DUSP4: variants seen among roughly 807,000 people sequenced by gnomAD.
DUSP4 encodes the protein dual specificity protein phosphatase 4.
DUSP4 carries 12 observed loss-of-function variants against 27.2 expected under a neutral mutation model. The observed-to-expected ratio is 0.44, with a 90% CI of 0.28 to 0.71. The LOEUF is 0.71. DUSP4 is among the 30% of genes least tolerant of loss of function. The probability of loss-of-function intolerance (pLI) is 0.14; values close to 1 mark genes in which losing one functional copy is unlikely to be tolerated. For synonymous variants in DUSP4, 257 were observed against 245.2 expected (o/e 1.05, Z -0.45); for missense variants, 448 against 551.3 (o/e 0.81, Z 1.88).
chr8:29,346,241 T>C (rs1438662134), intron 1 of DUSP4, among the ~76,000 whole-genome samples: 3 of 152,164 alleles, frequency 2.0e-5, no homozygotes, highest in South Asian at 2.1e-4. Flanking sequence ...TCCGGTACTA[T>C]AGGGTGAGTG....
At chr8:29,340,856 T>C (rs1817647204) in intron 1 of DUSP4, among the ~76,000 whole-genome samples, 1 of 152,186 alleles carries the variant, frequency 6.6e-6, no homozygotes, top group Admixed American at 6.5e-5. Flanking sequence ...AAGGGAGTAT[T>C]TCCTGACCTG....
At position 29,335,821 on chromosome 8, in the gene DUSP4, G is replaced by C. The variant is rs1336129582; in HGVS notation, c.*1205C>G. The C allele has an allele frequency of 1.3e-5, 2 of 152,230 alleles. No homozygotes were observed. Among genetic ancestry groups the C allele is most frequent in the Non-Finnish European group, 2.9e-5 (2 of 68,036 alleles). 9.4% of individuals were successfully genotyped at this position (152,230 alleles called of 1,614,324 possible). A position where few individuals can be genotyped will look rare whatever the true frequency, so the allele number is the denominator to read the frequency against. Reference sequence around the variant, plus strand: ...AGTGTAATATGGCATATTGATCACAGACGATAGACAAGTCTTAGGCAGGTT... The same window carrying C: ...AGTGTAATATGGCATATTGATCACACACGATAGACAAGTCTTAGGCAGGTT... On this transcript the variant is annotated 3_prime_UTR_variant, in exon 4 of 4. Coordinates refer to ENST00000240100, the MANE Select transcript of DUSP4 (RefSeq NM_001394.7).
chr8:29,338,321 C>G lies in DUSP4; in HGVS notation c.760G>C (p.Asp254His), dbSNP rs764888128. 1 of 1,614,160 alleles carries G rather than the reference C, an allele frequency of 6.2e-7. No homozygotes were observed. The change falls in exon 3 of 4, where the codon GAC becomes CAC. Residue 254 changes from aspartate (D) to histidine (H), a missense_variant. By Grantham distance (81) the Asp-to-His change is moderately conservative. Transcript: ENST00000240100. The part of the protein sequence containing the change: ...CIPVEDNHKA[D>H]ISSWFMEAIE... The stretch of plus-strand genomic sequence containing the variant: ...GCTTCCATGAACCAGGAGCTGATGT[C>G]GGCCTTGTGGTTATCTTCCACTGGG...
chr8:29,340,201 G>C lies in DUSP4; in HGVS notation c.476C>G (p.Ser159Cys), dbSNP rs933174088. ...GATGGCTGCCAGGGCCTTGGTTTTA[G>C]AACAGAATTCTGGGTACTCGGAGGA... ...RFSSEYPEFC[S>C]KTKALAAIPP... Residue 159 changes from serine to cysteine, a missense_variant, in exon 2 of 4, where the codon TCT (serine) becomes TGT (cysteine). Coordinates refer to ENST00000240100, the MANE Select transcript of DUSP4 (RefSeq NM_001394.7). The C allele has an allele frequency of 1.2e-6, 2 of 1,613,578 alleles. No individual in the cohort carries two copies. The highest frequency in any genetic ancestry group is 1.7e-6 in the Non-Finnish European group (2 of 1,179,818).
In DUSP4 at chr8:29,350,383, G is replaced by T. The variant is rs1817806244; in HGVS notation, c.-105C>A. Reference sequence around the variant, plus strand: ...CGAGAGCTAAGAAGGGACGCCTGCAGAAGTGGCCGCAAACTTGGTCCTCAA... The same window carrying T: ...CGAGAGCTAAGAAGGGACGCCTGCATAAGTGGCCGCAAACTTGGTCCTCAA... On this transcript the variant is annotated 5_prime_UTR_variant, in exon 1 of 4. The change creates a new upstream start codon in the 5' untranslated region. Transcript: ENST00000240100. 2 of 1,371,442 alleles carry T rather than the reference G, an allele frequency of 1.5e-6. No homozygotes were observed. Among genetic ancestry groups the T allele is most frequent in the Non-Finnish European group, 1.9e-6 (2 of 1,039,814 alleles). 85.0% of individuals were successfully genotyped at this position (1,371,442 alleles called of 1,614,324 possible).
Position 29,349,916 on chromosome 8 carries a change from G to A in DUSP4, c.363C>T (p.Asp121=). ...RSPRAESLRE[D]STVSLVVQAL... is the part of the protein sequence containing the mutation. ...CCTGCACCACCAGCGACACGGTGCTGTCCTCGCGGAGGCTCTCGGCGCGCG... is the reference window on the plus strand; with the variant it reads ...CCTGCACCACCAGCGACACGGTGCTATCCTCGCGGAGGCTCTCGGCGCGCG... The change falls in exon 1 of 4, where the codon GAC becomes GAT. Residue 121 remains aspartate, a synonymous_variant. Coordinates refer to ENST00000240100, the MANE Select transcript of DUSP4 (RefSeq NM_001394.7). The A allele has an allele frequency of 6.3e-7, 1 of 1,590,448 alleles. No homozygotes were observed. The highest frequency in any genetic ancestry group is 8.5e-7 in the Non-Finnish European group (1 of 1,172,964).
Position 29,338,362 on chromosome 8 carries a change from T to G in DUSP4, c.719A>C (p.Tyr240Ser). Residue 240 changes from tyrosine (Y) to serine (S), a missense_variant, in exon 3 of 4, where the codon TAT (tyrosine) becomes TCT (serine). Physicochemically the swap from Tyr to Ser is moderately radical, Grantham distance 144. Transcript: ENST00000240100. ...SDCPNHFEGH[Y>S]QYKCIPVEDN... Reference sequence around the variant, plus strand: ...TTCCACTGGGATGCACTTGTACTGATAGTGTCCTTCAAAGTGGTTTGGGCA... The same window carrying G: ...TTCCACTGGGATGCACTTGTACTGAGAGTGTCCTTCAAAGTGGTTTGGGCA... 1 of 1,614,228 alleles carries G rather than the reference T, an allele frequency of 6.2e-7. No individual in the cohort carries two copies.
intron 1 of DUSP4, chr8:29,345,441 C>A: frequency 6.2e-7 from 1 of 1,614,086 alleles, no homozygotes; most frequent in South Asian, 1.1e-5. Context: ...GCTGGGGGCT[C>A]GAACTGGTTT....
At position 29,349,714 on chromosome 8, in the gene DUSP4, C is replaced by T. The variant is rs937459396; in HGVS notation, c.433+132G>A. 6 of 1,307,446 alleles carry T rather than the reference C, an allele frequency of 4.6e-6. No individual in the cohort carries two copies. In the African/African-American group the frequency reaches 6.0e-5, roughly 13 times the overall value. The allele number at this position is 1,307,446 out of a possible 1,614,324, so 81.0% of individuals were successfully genotyped here. On this transcript the variant is annotated intron_variant, in intron 1 of 3. Coordinates refer to ENST00000240100, the MANE Select transcript of DUSP4 (RefSeq NM_001394.7). ...TTGCAAACCCCTACACACCAACACA[C>T]ACAAAGGGGCGCGCGGGGATCCCCG...
In DUSP4 at chr8:29,336,177, T is replaced by G. The variant is rs1042693; in HGVS notation, c.*849A>C. 1 of 150,678 alleles carries G rather than the reference T, an allele frequency of 6.6e-6. No homozygotes were observed. The highest frequency in any genetic ancestry group is 1.5e-5 in the Non-Finnish European group (1 of 67,802). The allele number at this position is 150,678 out of a possible 1,614,324, so 9.3% of individuals were successfully genotyped here. A position where few individuals can be genotyped will look rare whatever the true frequency, so the allele number is the denominator to read the frequency against. On this transcript the variant is annotated 3_prime_UTR_variant, in exon 4 of 4. Transcript: ENST00000240100. Reference sequence around the variant, plus strand: ...ACCCGCCTGCTTCTCAAGATGAGCCTTGGCAACATAGTGAGATGCTGTCTT... The same window carrying G: ...ACCCGCCTGCTTCTCAAGATGAGCCGTGGCAACATAGTGAGATGCTGTCTT...
chr8:29,345,811 T>G (rs1379615856), intron 1 of DUSP4: 1 of 1,199,762 alleles, frequency 8.3e-7, no homozygotes, highest in African/African-American at 1.6e-5. Context: ...GTTGGAGACA[T>G]CCAATGTAAA....
At chr8:29,338,726 C>T (rs1457111480) in intron 2 of DUSP4, among the ~76,000 whole-genome samples, 1 of 152,208 alleles carries the variant, frequency 6.6e-6, no homozygotes, top group East Asian at 1.9e-4. Flanking sequence ...AGCAGAGAGG[C>T]CAGGGCAGGT....
rs1563858383 is a variant in DUSP4 at position 29,335,236 on chromosome 8, G to GT, written c.*1789dup. On this transcript the variant is annotated 3_prime_UTR_variant, in exon 4 of 4. Coordinates refer to ENST00000240100, the MANE Select transcript of DUSP4 (RefSeq NM_001394.7). Reference sequence around the variant, plus strand: ...CCCCCAAACCCTCCCCACAGAAAACGTGTCTCCCTCCAAAGCCATTCTCCA... The same window carrying GT: ...CCCCCAAACCCTCCCCACAGAAAACGTTGTCTCCCTCCAAAGCCATTCTCCA... 1 of 129,504 alleles carries GT rather than the reference G, an allele frequency of 7.7e-6. No homozygotes were observed. Among genetic ancestry groups the GT allele is most frequent in the East Asian group, 2.6e-4 (1 of 3,790 alleles). 8.0% of individuals were successfully genotyped at this position (129,504 alleles called of 1,614,324 possible). A position where few individuals can be genotyped will look rare whatever the true frequency, so the allele number is the denominator to read the frequency against.
chr8:29,334,728 T>C lies in DUSP4; in HGVS notation c.*2298A>G, dbSNP rs996309725. 2 of 152,278 alleles carry C rather than the reference T, an allele frequency of 1.3e-5. No individual in the cohort carries two copies. Among genetic ancestry groups the C allele is most frequent in the African/African-American group, 4.8e-5 (2 of 41,454 alleles). The allele number at this position is 152,278 out of a possible 1,614,324, so 9.4% of individuals were successfully genotyped here. ...TTTCAGCTGCAGAACCCACTGGACT[T>C]CCAGGAATCAAGGAAAAAGTGGAAA... On this transcript the variant is annotated 3_prime_UTR_variant, in exon 4 of 4. Transcript: ENST00000240100.
In DUSP4 at chr8:29,338,519, C is replaced by A; in HGVS notation, c.580-18G>T. On this transcript the variant is annotated intron_variant, in intron 2 of 3. Transcript: ENST00000240100. ...GGACCCCCCTGCACAGAAAGGGAAA[C>A]AAAGGCCCCTGAATGACATGAGGGT... The A allele has an allele frequency of 6.2e-7, 1 of 1,608,836 alleles. No individual in the cohort carries two copies. Among genetic ancestry groups the A allele is most frequent in the African/African-American group, 1.3e-5 (1 of 74,864 alleles).
At chr8:29,348,606 G>A in intron 1 of DUSP4, 1 of 985,546 alleles carries the variant, frequency 1.0e-6, no homozygotes, top group Non-Finnish European at 1.2e-6. Flanking sequence ...TGTCCGGCAG[G>A]GGCGAACCCG....
chr8:29,343,027 G>A (rs1817676991), intron 1 of DUSP4, among the ~76,000 whole-genome samples: 1 of 152,076 alleles, frequency 6.6e-6, no homozygotes, highest in Admixed American at 6.5e-5. Context: ...AATTAGCCGG[G>A]CGTGGTGGCG....
Position 29,350,418 on chromosome 8 carries a change from C to G in DUSP4, c.-140G>C. The G allele has an allele frequency of 1.0e-6, 1 of 980,558 alleles. No homozygotes were observed. The highest frequency in any genetic ancestry group is 1.5e-6 in the Non-Finnish European group (1 of 689,216). The allele number at this position is 980,558 out of a possible 1,614,324, so 60.7% of individuals were successfully genotyped here. A position where few individuals can be genotyped will look rare whatever the true frequency, so the allele number is the denominator to read the frequency against. ...CAAACTTGGTCCTCAAGGGCTCCCGCGGGAGAGCCTCTTCTTCCCTGTCCC... is the reference window on the plus strand; with the variant it reads ...CAAACTTGGTCCTCAAGGGCTCCCGGGGGAGAGCCTCTTCTTCCCTGTCCC... On this transcript the variant is annotated 5_prime_UTR_variant, in exon 1 of 4. Transcript: ENST00000240100.
rs2117260594 is a variant in DUSP4, at chr8:29,333,459, T to C, written c.*3567A>G. The C allele has an allele frequency of 6.6e-6, 1 of 152,286 alleles. No individual in the cohort carries two copies. Among genetic ancestry groups the C allele is most frequent in the East Asian group, 1.9e-4 (1 of 5,186 alleles). The allele number at this position is 152,286 out of a possible 1,614,324, so 9.4% of individuals were successfully genotyped here. A position where few individuals can be genotyped will look rare whatever the true frequency, so the allele number is the denominator to read the frequency against. On this transcript the variant is annotated 3_prime_UTR_variant, in exon 4 of 4. Coordinates refer to ENST00000240100, the MANE Select transcript of DUSP4 (RefSeq NM_001394.7). ...ACAAGGCTCCACAGATCAGCTGGCT[T>C]TCAAAAAGCCTGGAAGGGTGCTCCA...
Sources: gnomAD v4.1 joint callset for allele counts (sites outside exome capture counted in the v4.1 genomes callset) on GRCh38, gnomAD v4.1.1 for gene constraint, MANE v1.5 for transcripts, NCBI Gene and HGNC (gene_info 2026-07-23, HGNC 2026-07-21) for gene names.